The following FAHD1 variants were observed in gnomAD, a reference collection of about 807,000 sequenced individuals.
FAHD1 encodes oxaloacetate tautomerase FAHD1, mitochondrial.
FAHD1 carries 14 observed loss-of-function variants against 12.7 expected under a neutral mutation model. The ratio of observed to expected loss-of-function variants is 1.10; its 90% confidence interval spans 0.73 to 1.72. FAHD1 has a LOEUF of 1.72. FAHD1 is among the 40% of genes most tolerant of loss of function. FAHD1 has a pLI of 0.00. For synonymous variants in FAHD1, 153 were observed against 124.9 expected, an observed-to-expected ratio of 1.22 and a Z score of -1.50; for missense variants, 351 against 298.9, an observed-to-expected ratio of 1.17 and a Z score of -1.29.
intron 2 of FAHD1, chr16:1,839,126 G>T: frequency 9.0e-7 from 1 of 1,107,676 alleles, no homozygotes; most frequent in South Asian, 1.8e-5. Context: ...AAAGCAAGAT[G>T]ATTTTTTCCC....
chr16:1,827,207 C>T lies in FAHD1; in HGVS notation c.-32C>T, dbSNP rs369066164. 7 of 1,581,262 alleles carry T rather than the reference C, an allele frequency of 4.4e-6. No homozygotes were observed. In the South Asian group the frequency reaches 6.8e-5, roughly 15 times the overall value. On this transcript the variant is annotated 5_prime_UTR_variant, in exon 1 of 1. Coordinates refer to ENST00000427358, the Ensembl canonical transcript of FAHD1. ...GTAGGCATCAGCTGACCGGCCCAGC[C>T]CACGTGACTACAGGGGCACTTGATG...
chr16:1,828,636 C>G, exon 1 of FAHD1: 1 of 980,432 alleles, frequency 1.0e-6, no homozygotes, highest in Non-Finnish European at 1.2e-6. Flanking sequence ...ATAAAAATCT[C>G]CACAAATTAC....
exon 1 of FAHD1, chr16:1,828,820 T>C (rs775750222): frequency 1.9e-5 from 19 of 997,982 alleles, no homozygotes; most frequent in Non-Finnish European, 1.9e-5. Flanking sequence ...TTTCACCTGT[T>C]TACTTAGGGT....
intron 1 of FAHD1, among the ~76,000 whole-genome samples, chr16:1,837,402 C>T (rs995724280): frequency 1.3e-5 from 2 of 152,106 alleles, no homozygotes; most frequent in Non-Finnish European, 2.9e-5. Flanking sequence ...AGAGGGGTCT[C>T]ACTATGTTGC....
chr16:1,831,471 G>A (rs1335551362), downstream of FAHD1, among the ~76,000 whole-genome samples: 1 of 152,168 alleles, frequency 6.6e-6, no homozygotes, highest in Non-Finnish European at 1.5e-5. Context: ...ACCAGAATCT[G>A]CTCTCCCCGC....
At chr16:1,828,113 C>G (rs1898542662) in exon 1 of FAHD1, 1 of 1,039,818 alleles carries the variant, frequency 9.6e-7, no homozygotes, top group Admixed American at 3.4e-5. Flanking sequence ...AACCCCGTCT[C>G]TACTAAAAAT....
chr16:1,839,089 AT>A (rs1195894190), intron 2 of FAHD1, among the ~76,000 whole-genome samples: 1 of 152,300 alleles, frequency 6.6e-6, no homozygotes, highest in Middle Eastern at 3.4e-3. Context: ...AATATGTAAC[AT>A]TTGTTCATCA....
exon 1 of FAHD1, chr16:1,827,828 A>C: frequency 6.2e-7 from 1 of 1,614,152 alleles, no homozygotes; most frequent in East Asian, 2.2e-5. Context: ...GGACCGGTTA[A>C]AGAAAACGAT....
chr16:1,839,713 T>C (rs3813761), exon 3 of FAHD1: 28,266 of 343,388 alleles, frequency 0.082, 1,542 homozygotes, highest in South Asian at 0.21. Flanking sequence ...CCCAGTCTCA[T>C]TTCCTTGCTG....
chr16:1,830,944 A>ACACACACACACACACACACCCCACTCACC, downstream of FAHD1, among the ~76,000 whole-genome samples: 1 of 147,308 alleles, frequency 6.8e-6, no homozygotes, highest in South Asian at 2.2e-4. Flanking sequence ...ACACACACAC[A>ACACACACACACACACACACCCCACTCACC]CCCATATTTT....
chr16:1,837,892 G>T, intron 1 of FAHD1: 1 of 1,479,594 alleles, frequency 6.8e-7, no homozygotes, highest in South Asian at 1.3e-5. Context: ...AAAAATATGA[G>T]ACAAATATAT....
chr16:1,834,443 AT>A, intron 1 of FAHD1: 1 of 773,370 alleles, frequency 1.3e-6, no homozygotes, highest in Non-Finnish European at 2.2e-6. Flanking sequence ...AAAATCAATG[AT>A]CACGAATAGA....
intron 1 of FAHD1, among the ~76,000 whole-genome samples, chr16:1,834,591 C>A (rs1050217926): frequency 1.3e-5 from 2 of 152,182 alleles, no homozygotes; most frequent in African/African-American, 4.8e-5. Flanking sequence ...AAAATTTTGT[C>A]ACTTTTCATG....
In FAHD1 at chr16:1,834,014, T is replaced by C. The variant is rs141033782; in HGVS notation, c.628-4002T>C. The stretch of plus-strand genomic sequence containing the variant: ...AAGATTAAATCTGTTTATTAATTCA[T>C]GTAAACATTTTCCAACTTGGGAGGA... On this transcript the variant is annotated intron_variant, in intron 1 of 2. Transcript: ENST00000382666. The C allele has an allele frequency of 2.3e-3, 865 of 379,770 alleles. 2 individuals are homozygous for C. The highest frequency in any genetic ancestry group is 3.1e-3 in the Non-Finnish European group (661 of 212,818). 23.5% of individuals were successfully genotyped at this position (379,770 alleles called of 1,614,324 possible). A position where few individuals can be genotyped will look rare whatever the true frequency, so the allele number is the denominator to read the frequency against.
At chr16:1,830,917 T>TACACACAC (rs1555470124), downstream of FAHD1, among the ~76,000 whole-genome samples, 8,117 of 114,750 alleles carry the variant, frequency 0.071, 343 homozygotes, top group South Asian at 0.17. Context: ...TCTCTCTCTA[T>TACACACAC]ACACACACAC....
chr16:1,828,751 CTCCTG>C (rs1353361384), exon 1 of FAHD1: 19 of 981,694 alleles, frequency 1.9e-5, no homozygotes, highest in African/African-American at 3.5e-5. Context: ...GTGAAAAACA[CTCCTG>C]TACATAATCG....
At chr16:1,833,212 G>C (rs1205041629), downstream of FAHD1, among the ~76,000 whole-genome samples, 7 of 152,154 alleles carry the variant, frequency 4.6e-5, no homozygotes, top group Non-Finnish European at 8.8e-5. Context: ...AAAGCAAACA[G>C]ATAAAGTGGC....
intron 2 of FAHD1, chr16:1,839,109 T>G (rs913847811): frequency 1.0e-5 from 9 of 875,636 alleles, no homozygotes; most frequent in Non-Finnish European, 1.2e-5. Context: ...CAAAGCAATG[T>G]GTGTTTAAAG....
chr16:1,829,041 G>A, downstream of FAHD1: 1 of 471,940 alleles, frequency 2.1e-6, no homozygotes, highest in Non-Finnish European at 2.8e-6. Context: ...CAGTTAATCA[G>A]CAACTGTACT....
Sources: allele counts gnomAD v4.1 joint callset (sites outside exome capture counted in the v4.1 genomes callset), GRCh38; gene constraint gnomAD v4.1.1; transcripts MANE v1.5; gene names NCBI Gene and HGNC (gene_info 2026-07-23, HGNC 2026-07-21).